Variants in PABIR2 observed in about 807,000 individuals in gnomAD.
The protein encoded by PABIR2 is family with sequence similarity 122B.
In PABIR2, 7 loss-of-function variants were observed where a neutral mutation model predicts 22.8. That is an observed-to-expected ratio of 0.31 (90% CI 0.17 to 0.58). The LOEUF is 0.58. Ranked by LOEUF, PABIR2 falls within the 20% of genes least tolerant of loss-of-function variation. The pLI, the probability that PABIR2 is intolerant of heterozygous loss-of-function variation, is 0.89. For synonymous variants in PABIR2, 67 were observed against 73.8 expected (o/e 0.91, Z 0.47); for missense variants, 155 against 205.1 (o/e 0.76, Z 1.49).
In PABIR2 at chrX:134,771,970, C is replaced by T. The variant is rs999900187; in HGVS notation, c.*169G>A. Reference sequence around the variant, plus strand: ...CAGATACTAGTAAGGTCACTAGGCTCACAAAATTGAACTTTGGAGAAGAGA... The same window carrying T: ...CAGATACTAGTAAGGTCACTAGGCTTACAAAATTGAACTTTGGAGAAGAGA... On this transcript the variant is annotated 3_prime_UTR_variant, in exon 10 of 10. Coordinates refer to ENST00000343004, the MANE Select transcript of PABIR2 (RefSeq NM_001387468.1). 8 of 974,419 alleles carry T rather than the reference C, an allele frequency of 8.2e-6. No homozygotes were observed. The highest frequency in any genetic ancestry group is 1.0e-5 in the Non-Finnish European group (8 of 776,552). The allele number at this position is 974,419 out of a possible 1,213,427, so 80.3% of individuals were successfully genotyped here.
At chrX:134,786,524 T>C (rs2079322803) in intron 7 of PABIR2, among the ~76,000 whole-genome samples, 1 of 110,922 alleles carries the variant, frequency 9.0e-6, no homozygotes, top group Non-Finnish European at 1.9e-5. Flanking sequence ...GTCGCAAAAA[T>C]AAATAAATAA....
At position 134,796,248 on chromosome X, in the gene PABIR2, G is replaced by A. The variant is rs2079807422; in HGVS notation, c.-43C>T. 2.7e-6 allele frequency: 3 copies of A among 1,091,818 alleles called. No individual in the cohort carries two copies. Among genetic ancestry groups the A allele is most frequent in the African/African-American group, 1.9e-5 (1 of 52,823 alleles). The allele number at this position is 1,091,818 out of a possible 1,213,427, so 90.0% of individuals were successfully genotyped here. ...GCACAGCGGGCAGTGCTCAGCTCCTGGTGCTTAGCTATGGACTCCCAAGAC... is the reference window on the plus strand; with the variant it reads ...GCACAGCGGGCAGTGCTCAGCTCCTAGTGCTTAGCTATGGACTCCCAAGAC... On this transcript the variant is annotated 5_prime_UTR_variant, in exon 1 of 10. Coordinates refer to ENST00000343004, the MANE Select transcript of PABIR2 (RefSeq NM_001387468.1).
chrX:134,786,995 T>C (rs1458613064), intron 7 of PABIR2, among the ~76,000 whole-genome samples: 1 of 111,135 alleles, frequency 9.0e-6, no homozygotes, highest in East Asian at 2.8e-4. Context: ...AAAATGTTAA[T>C]GGTAGATTAT....
chrX:134,788,833 T>C lies in PABIR2; in HGVS notation c.334-2A>G, dbSNP rs201263467. ...CGGCTTGTCAAAATCACTGTCACTC[T>C]GTAAACATAAAGTGTCATCTCCTCA... On this transcript the variant is annotated splice_acceptor_variant, in intron 5 of 9. Transcript: ENST00000343004. LOFTEE classifies it high-confidence loss of function. 22 of 1,196,309 alleles carry C rather than the reference T, an allele frequency of 1.8e-5. No individual in the cohort carries two copies. Among genetic ancestry groups the C allele is most frequent in the Non-Finnish European group, 3.4e-6 (3 of 884,943 alleles).
chrX:134,778,769 T>A (rs193007963), intron 9 of PABIR2, among the ~76,000 whole-genome samples: 17 of 111,126 alleles, frequency 1.5e-4, no homozygotes, highest in South Asian at 3.8e-4. Context: ...TTGTTGACAC[T>A]CTATGAGTGG....
chrX:134,793,347 T>C (rs1442752413), intron 2 of PABIR2, among the ~76,000 whole-genome samples: 2 of 112,595 alleles, frequency 1.8e-5, no homozygotes, highest in African/African-American at 6.5e-5. Flanking sequence ...CTGACAGCTC[T>C]GGCTATAGAG....
intron 1 of PABIR2, among the ~76,000 whole-genome samples, 157 bp downstream of exon 1, chrX:134,795,951 C>T (rs2079785725): frequency 9.0e-6 from 1 of 111,561 alleles, no homozygotes; most frequent in South Asian, 3.7e-4. Context: ...TTTCACTCCA[C>T]CTTGGGACCC....
At chrX:134,776,892 G>A (rs191254954) in intron 9 of PABIR2, among the ~76,000 whole-genome samples, 43 of 112,037 alleles carry the variant, frequency 3.8e-4, no homozygotes, top group African/African-American at 1.2e-3. Flanking sequence ...GAGGGCAGTT[G>A]TTTCTGTAGT....
Position 134,772,259 on chromosome X carries a change from A to G in PABIR2, c.684T>C (p.Ser228=), listed in dbSNP as rs1485986928. 8.4e-7 allele frequency: 1 copy of G among 1,192,159 alleles called. No homozygotes were observed. The highest frequency in any genetic ancestry group is 3.0e-5 in the East Asian group (1 of 33,291). ...SSCSDILDGS[S]SSSGLSSDPL... ...GGTCTGAGGATAAGCCACTGCTGCT[A>G]CTACTGCCATCCAAAATATCTGAAC... The change falls in exon 10 of 10, where the codon AGT becomes AGC. Residue 228 remains serine (S), a synonymous_variant. Transcript: ENST00000343004.
intron 8 of PABIR2, among the ~76,000 whole-genome samples, chrX:134,785,148 T>C (rs2079274965): frequency 9.0e-6 from 1 of 111,665 alleles, no homozygotes; most frequent in Non-Finnish European, 1.9e-5. Context: ...TATAAGAAAA[T>C]ATAGATGTAT....
At chrX:134,778,501 T>A (rs1157330055) in intron 9 of PABIR2, among the ~76,000 whole-genome samples, 1 of 85,681 alleles carries the variant, frequency 1.2e-5, no homozygotes, top group Non-Finnish European at 2.2e-5. Flanking sequence ...CGAAACTCCG[T>A]CTCAAAAAAA....
intron 9 of PABIR2, among the ~76,000 whole-genome samples, chrX:134,777,927 T>C (rs774023563): frequency 3.1e-5 from 3 of 96,419 alleles, no homozygotes; most frequent in Non-Finnish European, 6.2e-5. Context: ...TCTGGCTCTG[T>C]TGCCCAGGCT....
chrX:134,795,456 CTTA>C (rs1479178221), intron 1 of PABIR2, among the ~76,000 whole-genome samples: 1 of 111,412 alleles, frequency 9.0e-6, no homozygotes, highest in East Asian at 2.8e-4. Context: ...CCCTCGATGA[CTTA>C]TTGACATGAA....
intron 9 of PABIR2, among the ~76,000 whole-genome samples, chrX:134,774,761 T>G (rs1339078226): frequency 8.9e-6 from 1 of 112,458 alleles, no homozygotes; most frequent in Non-Finnish European, 1.9e-5. Flanking sequence ...CCACTGCAAT[T>G]TAGATTCAGA....
At chrX:134,794,999 A>G (rs1318577190) in intron 1 of PABIR2, among the ~76,000 whole-genome samples, 2 of 112,195 alleles carry the variant, frequency 1.8e-5, no homozygotes, top group Non-Finnish European at 3.8e-5. Flanking sequence ...ATACAGGTCA[A>G]TAGAATTGCT....
intron 2 of PABIR2, among the ~76,000 whole-genome samples, chrX:134,791,153 G>GCTGTGTGTAGTAC (rs748713966): frequency 9.7e-4 from 107 of 110,526 alleles, no homozygotes; most frequent in African/African-American, 3.2e-3. Flanking sequence ...GAAGAACAGA[G>GCTGTGTGTAGTAC]CAAAGCTGTG....
At chrX:134,777,322 T>G (rs755890673) in intron 9 of PABIR2, among the ~76,000 whole-genome samples, 5 of 108,868 alleles carry the variant, frequency 4.6e-5, no homozygotes, top group Non-Finnish European at 9.6e-5. Flanking sequence ...AGCGCAGGAG[T>G]TCAAGACCGG....
intron 6 of PABIR2, among the ~76,000 whole-genome samples, chrX:134,788,168 TAC>T (rs750458121): frequency 4.5e-4 from 42 of 94,105 alleles, no homozygotes; most frequent in African/African-American, 1.4e-3. Flanking sequence ...GTGTAATATA[TAC>T]ACGTTATATA....
intron 9 of PABIR2, among the ~76,000 whole-genome samples, chrX:134,773,908 C>T (rs2084756029): frequency 9.0e-6 from 1 of 111,559 alleles, no homozygotes; most frequent in Admixed American, 9.6e-5. Context: ...GGGCCCTGTA[C>T]TACCCTCAGT....
Sources: allele counts gnomAD v4.1 joint callset (sites outside exome capture counted in the v4.1 genomes callset), GRCh38; gene constraint gnomAD v4.1.1; transcripts MANE v1.5; gene names NCBI Gene and HGNC (gene_info 2026-07-23, HGNC 2026-07-21).